The following ABI3BP variants were observed in gnomAD, a reference collection of about 807,000 sequenced individuals.
The protein encoded by ABI3BP is target of Nesh-SH3.
ABI3BP carries 216 observed loss-of-function variants against 268.6 expected under a neutral mutation model. The observed-to-expected ratio is 0.80, with a 90% CI of 0.72 to 0.90. ABI3BP has a LOEUF of 0.90. Ranked by LOEUF, ABI3BP falls within the 40% of genes least tolerant of loss-of-function variation. ABI3BP has a pLI of 0.00. For synonymous variants in ABI3BP, 730 were observed against 730.0 expected (o/e 1.00, Z 0.00); for missense variants, 2,090 against 2,182.4 (o/e 0.96, Z 0.84).
chr3:100,952,778 A>G (rs1398217076), intron 1 of ABI3BP: 1 of 151,186 alleles, frequency 6.6e-6, no homozygotes, highest in East Asian at 1.9e-4. Flanking sequence ...TTAAAAAAAG[A>G]AAAGTATTTT....
intron 2 of ABI3BP, 47 bp downstream of exon 2, chr3:100,926,255 C>CA: frequency 6.3e-7 from 1 of 1,588,892 alleles, no homozygotes; most frequent in South Asian, 1.1e-5. Flanking sequence ...TACACCCCCC[C>CA]ACCTCTTACC....
intron 2 of ABI3BP, among the ~76,000 whole-genome samples, chr3:100,925,406 A>C (rs2061505506): frequency 7.3e-6 from 1 of 136,992 alleles, no homozygotes; most frequent in South Asian, 2.6e-4. Context: ...GGATCCTTTA[A>C]ATATTTATAT....
intron 2 of ABI3BP, among the ~76,000 whole-genome samples, chr3:100,919,788 G>A (rs1279199699): frequency 4.6e-5 from 7 of 152,130 alleles, no homozygotes; most frequent in East Asian, 3.8e-4. Flanking sequence ...TTGAATAAGC[G>A]ATTGAAAAAG....
At chr3:100,854,228 G>A (rs2098910139) in intron 14 of ABI3BP, among the ~76,000 whole-genome samples, 1 of 150,946 alleles carries the variant, frequency 6.6e-6, no homozygotes, top group African/African-American at 2.4e-5. Context: ...CCAGGCCTGG[G>A]ATGGCGGGCA....
chr3:100,875,531 G>A lies in ABI3BP; in HGVS notation c.794C>T (p.Ala265Val). 6.2e-7 allele frequency: 1 copy of A among 1,612,998 alleles called. No homozygotes were observed. Among genetic ancestry groups the A allele is most frequent in the Non-Finnish European group, 8.5e-7 (1 of 1,178,990 alleles). The change falls in exon 8 of 68, where the codon GCT (alanine) becomes GTT (valine). Residue 265 changes from alanine (A) to valine (V), a missense_variant. Physicochemically the swap from Ala to Val is moderately conservative, Grantham distance 64. Transcript: ENST00000471714. ...ACCTAGTATCACTCCTCCCAGTGGAGCTTTTTCTGGGGATTTAGCTGAATC... is the reference window on the plus strand; with the variant it reads ...ACCTAGTATCACTCCTCCCAGTGGAACTTTTTCTGGGGATTTAGCTGAATC... ...HKDSAKSPEK[A>V]PLGGVILVHL...
chr3:100,921,776 A>G (rs1210185954), intron 2 of ABI3BP, among the ~76,000 whole-genome samples: 1 of 152,192 alleles, frequency 6.6e-6, no homozygotes, highest in Non-Finnish European at 1.5e-5. Context: ...CTCTGTCAAT[A>G]CTTAATAAAT....
intron 1 of ABI3BP, among the ~76,000 whole-genome samples, chr3:100,962,483 C>T (rs1022287594): frequency 1.3e-5 from 2 of 152,158 alleles, no homozygotes. Context: ...ACATTGTCCT[C>T]ATCTGACCTT....
chr3:100,972,536 C>T (rs1371130117), intron 1 of ABI3BP, among the ~76,000 whole-genome samples: 1 of 152,170 alleles, frequency 6.6e-6, no homozygotes, highest in Non-Finnish European at 1.5e-5. Flanking sequence ...AGTTAATGCA[C>T]ATTTTTAAAA....
intron 30 of ABI3BP, among the ~76,000 whole-genome samples, chr3:100,832,609 C>T (rs2098512218): frequency 1.3e-5 from 2 of 152,014 alleles, no homozygotes; most frequent in African/African-American, 4.8e-5. Context: ...GAAAGTGTCC[C>T]TAACCCAAAT....
chr3:100,873,068 C>T (rs1342953747), intron 9 of ABI3BP, among the ~76,000 whole-genome samples: 1 of 152,102 alleles, frequency 6.6e-6, no homozygotes, highest in African/African-American at 2.4e-5. Context: ...TTCCTTCTTC[C>T]AGGAGTTTCT....
chr3:100,970,236 G>T (rs183276662), intron 1 of ABI3BP, among the ~76,000 whole-genome samples: 1 of 152,322 alleles, frequency 6.6e-6, no homozygotes, highest in East Asian at 1.9e-4. Context: ...ACTGGCTTTT[G>T]ATTTGAAGCA....
intron 51 of ABI3BP, among the ~76,000 whole-genome samples, chr3:100,803,630 T>C (rs1028389880): frequency 8.8e-6 from 1 of 113,816 alleles, no homozygotes; most frequent in Non-Finnish European, 2.3e-5. Context: ...TATACTAATA[T>C]TATTTTTTAT....
At chr3:100,780,294 A>G (rs1232301756) in intron 57 of ABI3BP, 85 bp from the exon 58 acceptor site, 4 of 1,287,832 alleles carry the variant, frequency 3.1e-6, no homozygotes, top group Non-Finnish European at 4.4e-6. Context: ...AATAACGTAC[A>G]TTCTTTGCAG....
chr3:100,843,654 AATT>A (rs1035175762), intron 20 of ABI3BP: 64 of 984,242 alleles, frequency 6.5e-5, no homozygotes, highest in Non-Finnish European at 7.7e-5. Context: ...AGAGAAAGGG[AATT>A]GTATGTGTAA....
chr3:100,764,215 C>G (rs1399458203), intron 63 of ABI3BP, among the ~76,000 whole-genome samples: 1 of 152,196 alleles, frequency 6.6e-6, no homozygotes, highest in Non-Finnish European at 1.5e-5. Context: ...CAGGTGTCAC[C>G]TTCTTCAGGA....
intron 17 of ABI3BP, 112 bp downstream of exon 17, chr3:100,849,933 A>G: frequency 2.3e-6 from 2 of 854,888 alleles, no homozygotes; most frequent in South Asian, 1.6e-5. Flanking sequence ...CTGAAGGGAA[A>G]TATTTAGCAA....
At position 100,938,787 on chromosome 3, in the gene ABI3BP, A is replaced by G. The variant is rs558469770; in HGVS notation, c.80-12306T>C. On this transcript the variant is annotated intron_variant, in intron 1 of 67. Coordinates refer to ENST00000471714, the MANE Select transcript of ABI3BP (RefSeq NM_001375547.2). Reference sequence around the variant, plus strand: ...GCTGAAACAGCAAGACGCTTACATGACCTTCCATCAGAAGGAGAGTCTGTG... The same window carrying G: ...GCTGAAACAGCAAGACGCTTACATGGCCTTCCATCAGAAGGAGAGTCTGTG... 2.0e-5 allele frequency among the ~76,000 whole-genome samples: 3 copies of G among 152,274 alleles called. No individual in the cohort carries two copies. In the South Asian group the frequency reaches 6.2e-4, roughly 32 times the overall value.
intron 4 of ABI3BP, among the ~76,000 whole-genome samples, chr3:100,887,680 A>G (rs963237166): frequency 2.6e-5 from 4 of 151,782 alleles, no homozygotes; most frequent in African/African-American, 9.7e-5. Flanking sequence ...CCTTTCCTCC[A>G]CTCCTTACAT....
At chr3:100,852,270 G>A (rs371372760) in intron 14 of ABI3BP, among the ~76,000 whole-genome samples, 23 of 152,296 alleles carry the variant, frequency 1.5e-4, no homozygotes, top group East Asian at 9.6e-4. Context: ...CATAAATAAA[G>A]TCAGATGGCA....
Sources: gnomAD v4.1 joint callset for allele counts (sites outside exome capture counted in the v4.1 genomes callset) on GRCh38, gnomAD v4.1.1 for gene constraint, MANE v1.5 for transcripts, NCBI Gene and HGNC (gene_info 2026-07-23, HGNC 2026-07-21) for gene names.